The following RFX1 variants were observed in gnomAD, a reference collection of about 807,000 sequenced individuals.
The protein encoded by RFX1 is regulatory factor X1.
A neutral mutation model predicts 119.6 loss-of-function variants in RFX1; 42 were observed. That is an observed-to-expected ratio of 0.35 (90% CI 0.27 to 0.45). The LOEUF (loss-of-function observed/expected upper bound fraction) is 0.45. Ranked by LOEUF, RFX1 falls within the 20% of genes least tolerant of loss-of-function variation. The pLI, the probability that RFX1 is intolerant of heterozygous loss-of-function variation, is 1.00. For synonymous variants in RFX1, 628 were observed against 618.5 expected (o/e 1.02, Z -0.23); for missense variants, 1,118 against 1,368.1 (o/e 0.82, Z 2.88).
At chr19:13,984,676 T>A (rs1242057237) in intron 2 of RFX1, among the ~76,000 whole-genome samples, 1 of 152,062 alleles carries the variant, frequency 6.6e-6, no homozygotes, top group Non-Finnish European at 1.5e-5. Context: ...GGGGTGGACA[T>A]GTACCTGCCC....
At chr19:13,992,292 A>T (rs979057493) in intron 2 of RFX1, among the ~76,000 whole-genome samples, 3 of 152,060 alleles carry the variant, frequency 2.0e-5, no homozygotes, top group African/African-American at 4.8e-5. Flanking sequence ...AAAACACACG[A>T]ATCTAGCCTA....
chr19:13,981,995 A>T (rs934774440), intron 5 of RFX1, 126 bp downstream of exon 5: 10 of 398,826 alleles, frequency 2.5e-5, no homozygotes, highest in Non-Finnish European at 4.5e-5. Context: ...TGAAGAGGGA[A>T]GCAGGACTTT....
intron 1 of RFX1, among the ~76,000 whole-genome samples, chr19:14,000,728 T>A (rs986498672): frequency 6.8e-6 from 1 of 148,084 alleles, no homozygotes; most frequent in Non-Finnish European, 1.5e-5. Flanking sequence ...AGCCCAGGAG[T>A]TCCAGGCTTC....
chr19:13,998,813 C>T (rs1213704500), intron 1 of RFX1, among the ~76,000 whole-genome samples: 1 of 152,174 alleles, frequency 6.6e-6, no homozygotes, highest in Non-Finnish European at 1.5e-5. Context: ...TTTCTCAGCC[C>T]TAAGAGACCT....
chr19:13,963,585 G>T lies in RFX1; in HGVS notation c.2523C>A (p.Gly841=). The T allele has an allele frequency of 6.2e-7, 1 of 1,604,776 alleles. No individual in the cohort carries two copies. The part of the protein sequence containing the change: ...QVLKPYQGSA[G]FPKAAKLFLL... ...GGAAGAGCTTGGCGGCCTTGGGGAA[G>T]CCGGCGCTGCCCTGGTAGGGCTTGA... The change falls in exon 18 of 21, where the codon GGC becomes GGA. Residue 841 remains glycine, a synonymous_variant. Coordinates refer to ENST00000254325, the MANE Select transcript of RFX1 (RefSeq NM_002918.5).
intron 1 of RFX1, among the ~76,000 whole-genome samples, chr19:13,994,155 T>C (rs1420801000): frequency 6.6e-6 from 1 of 152,054 alleles, no homozygotes; most frequent in Non-Finnish European, 1.5e-5. Flanking sequence ...ACTCCTGCCT[T>C]CCCAGTCCCT....
In RFX1 at chr19:13,962,387, C is replaced by A. The variant is rs12463039; in HGVS notation, c.*308G>T. On this transcript the variant is annotated 3_prime_UTR_variant, in exon 21 of 21. Transcript: ENST00000254325. ...CCCCTGGGGTGGTGGGAGGACGGGG[C>A]TGGGGAGAAGACGCTGGGGCCTGGG... 2.3e-6 allele frequency: 1 copy of A among 429,588 alleles called. No homozygotes were observed. Among genetic ancestry groups the A allele is most frequent in the Non-Finnish European group, 4.1e-6 (1 of 241,624 alleles). The allele number at this position is 429,588 out of a possible 1,614,324, so 26.6% of individuals were successfully genotyped here. A position where few individuals can be genotyped will look rare whatever the true frequency, so the allele number is the denominator to read the frequency against.
rs1568461538 is a variant in RFX1, at chr19:13,969,929, G to A, written c.1496+65C>T. Reference sequence around the variant, plus strand: ...TGGACTGCCTGAGATGACTCGGAGTGGGGGTGGGCCTTGGCATGCCCACCA... The same window carrying A: ...TGGACTGCCTGAGATGACTCGGAGTAGGGGTGGGCCTTGGCATGCCCACCA... On this transcript the variant is annotated intron_variant, in intron 10 of 20. Coordinates refer to ENST00000254325, the MANE Select transcript of RFX1 (RefSeq NM_002918.5). This position sits in a 1 kb window ranked among gnomAD's most constrained non-coding sequence, Gnocchi z 4.5. The A allele has an allele frequency of 1.1e-5, 17 of 1,489,438 alleles. 1 individual carries two copies. The highest frequency in any genetic ancestry group is 2.4e-4 in the Middle Eastern group (1 of 4,122). 92.3% of individuals were successfully genotyped at this position (1,489,438 alleles called of 1,614,324 possible).
Position 13,982,170 on chromosome 19 carries a change from T to C in RFX1, c.572A>G (p.Gln191Arg), listed in dbSNP as rs777089850. ...GGTACCATGGACCGTCAGGGAGACC[T>C]GGCCACCTTTGCTGCCTGGGGCTGC... Reference protein sequence around the residue: ...QSAAPGSKGGQVSLTVHGTQQ... With the variant: ...QSAAPGSKGGRVSLTVHGTQQ... The change falls in exon 5 of 21, where the codon CAG becomes CGG. Residue 191 changes from glutamine (Q) to arginine (R), a missense_variant. Physicochemically the swap from Gln to Arg is conservative, Grantham distance 43 (BLOSUM62 1). Coordinates refer to ENST00000254325, the MANE Select transcript of RFX1 (RefSeq NM_002918.5). 7.6e-7 allele frequency: 1 copy of C among 1,311,324 alleles called. No individual in the cohort carries two copies. The highest frequency in any genetic ancestry group is 3.2e-5 in the South Asian group (1 of 31,608). 81.2% of individuals were successfully genotyped at this position (1,311,324 alleles called of 1,614,324 possible). A position where few individuals can be genotyped will look rare whatever the true frequency, so the allele number is the denominator to read the frequency against.
chr19:13,997,789 G>A (rs531252896), intron 1 of RFX1, among the ~76,000 whole-genome samples: 9 of 152,246 alleles, frequency 5.9e-5, no homozygotes, highest in South Asian at 4.1e-4. Context: ...ATGAGAAGCC[G>A]TTTGGGGCCT....
At chr19:13,997,532 G>A (rs1192666471) in intron 1 of RFX1, among the ~76,000 whole-genome samples, 5 of 152,330 alleles carry the variant, frequency 3.3e-5, no homozygotes, top group East Asian at 3.9e-4. Flanking sequence ...GCCCTTTAAC[G>A]CAGTTCCAGG....
At position 13,968,659 on chromosome 19, in the gene RFX1, C is replaced by T. The variant is rs984696567; in HGVS notation, c.1638G>A (p.Met546Ile). Residue 546 changes from methionine to isoleucine, a missense_variant, in exon 12 of 21, where the codon ATG (methionine) becomes ATA (isoleucine). Physicochemically the swap from Met to Ile is conservative, Grantham distance 10 (BLOSUM62 1). This residue lies in a region of RFX1 where 338 missense variants were observed against 508.9 expected (regional missense o/e 0.66). Transcript: ENST00000254325. The surrounding 1 kb of genome is among the most constrained non-coding windows in gnomAD (Gnocchi z 5.5). ...CCGCCACGCCGTTGGTCATGCCTTC[C>T]ATCTTCTGGATGGGCTTGAGCCTGG... ...QKQRLKPIQKMEGMTNGVAVG... is the reference protein window; with the variant it reads ...QKQRLKPIQKIEGMTNGVAVG... The T allele has an allele frequency of 6.2e-6, 10 of 1,613,152 alleles. No homozygotes were observed. The highest frequency in any genetic ancestry group is 1.1e-5 in the South Asian group (1 of 91,090).
In RFX1 at chr19:13,983,383, G is replaced by T. The variant is rs374807008; in HGVS notation, c.429+103C>A. On this transcript the variant is annotated intron_variant, in intron 3 of 20. Coordinates refer to ENST00000254325, the MANE Select transcript of RFX1 (RefSeq NM_002918.5). Reference sequence around the variant, plus strand: ...CTTGATAAGAACAGGTGAGCAGATGGCTCCAGCAGGAAGCGGGGAGGGGAG... The same window carrying T: ...CTTGATAAGAACAGGTGAGCAGATGTCTCCAGCAGGAAGCGGGGAGGGGAG... 51 of 1,236,488 alleles carry T rather than the reference G, an allele frequency of 4.1e-5. 1 individual carries two copies. In the East Asian group the frequency reaches 8.9e-4, roughly 22 times the overall value. The allele number at this position is 1,236,488 out of a possible 1,614,324, so 76.6% of individuals were successfully genotyped here.
chr19:14,005,726 C>G (rs554856130), intron 1 of RFX1, among the ~76,000 whole-genome samples: 3 of 152,136 alleles, frequency 2.0e-5, no homozygotes, highest in Non-Finnish European at 2.9e-5. Flanking sequence ...CCAGCCGGCC[C>G]CGCCCATACC....
In RFX1 at chr19:14,006,112, T is replaced by C. The variant is rs911177472; in HGVS notation, c.-62A>G. 2 of 151,434 alleles carry C rather than the reference T, an allele frequency of 1.3e-5. No individual in the cohort carries two copies. Among genetic ancestry groups the C allele is most frequent in the African/African-American group, 4.9e-5 (2 of 41,016 alleles). 9.4% of individuals were successfully genotyped at this position (151,434 alleles called of 1,614,324 possible). A position where few individuals can be genotyped will look rare whatever the true frequency, so the allele number is the denominator to read the frequency against. On this transcript the variant is annotated 5_prime_UTR_variant, in exon 1 of 21. Coordinates refer to ENST00000254325, the MANE Select transcript of RFX1 (RefSeq NM_002918.5). The stretch of plus-strand genomic sequence containing the variant: ...GGGCCGCCCTGGTTACCTCCGCTTC[T>C]CCCCACTTCTGTCTGCGGAAACGCT...
At position 13,996,415 on chromosome 19, in the gene RFX1, G is replaced by A. The variant is rs184826801; in HGVS notation, c.-52-2520C>T. Among the ~76,000 whole-genome samples the A allele has an allele frequency of 4.6e-5, 7 of 152,322 alleles. No homozygotes were observed. In the East Asian group the frequency reaches 1.4e-3, roughly 29 times the overall value. On this transcript the variant is annotated intron_variant, in intron 1 of 20. Transcript: ENST00000254325. ...CTAACACTCAGCACCCATGTGCCAC[G>A]ATGTGCCCAGATGGCCCTCCAGCCG... is the stretch of plus-strand genomic sequence containing the variant.
chr19:13,983,708 G>T, intron 2 of RFX1, 113 bp from the exon 3 acceptor site: 1 of 849,694 alleles, frequency 1.2e-6, no homozygotes, highest in Non-Finnish European at 1.8e-6. Context: ...GCAAGGTCAG[G>T]CCCCTCCAAG....
intron 2 of RFX1, among the ~76,000 whole-genome samples, chr19:13,989,571 C>CAGACAGACAGAG (rs1974734149): frequency 6.6e-6 from 1 of 151,936 alleles, no homozygotes. Context: ...GACAGACAGA[C>CAGACAGACAGAG]AGACAGACAG....
In RFX1 at chr19:13,963,451, C is replaced by A. The variant is rs1386872813; in HGVS notation, c.2570+87G>T. On this transcript the variant is annotated intron_variant, in intron 18 of 20. Transcript: ENST00000254325. ...AGCCTGCCCGCCCAGCCTGCAGGCT[C>A]GGGTCGTCGTAGAAGAGCACCTGAG... 4.1e-6 allele frequency: 6 copies of A among 1,446,660 alleles called. No individual in the cohort carries two copies. The African/African-American group carries it at 8.4e-5, about 20-fold the overall frequency. The allele number at this position is 1,446,660 out of a possible 1,614,324, so 89.6% of individuals were successfully genotyped here.
Sources: gnomAD v4.1 joint callset for allele counts (sites outside exome capture counted in the v4.1 genomes callset) on GRCh38, gnomAD v4.1.1 for gene constraint, gnomAD v4.1.1 regional missense constraint, Gnocchi (gnomAD v3.1) non-coding constraint, MANE v1.5 for transcripts, NCBI Gene and HGNC (gene_info 2026-07-23, HGNC 2026-07-21) for gene names.